RPTOR: variants seen among roughly 807,000 people sequenced by gnomAD.
The protein encoded by RPTOR is regulatory-associated protein of mTOR.
In RPTOR, 21 loss-of-function variants were observed where a neutral mutation model predicts 169.9. That is an observed-to-expected ratio of 0.12 (90% CI 0.09 to 0.18). RPTOR has a LOEUF of 0.18. RPTOR is among the 10% of genes least tolerant of loss of function. The probability of loss-of-function intolerance (pLI) is 1.00; values close to 1 mark genes in which losing one functional copy is unlikely to be tolerated. For missense variants in RPTOR, 1,133 were observed against 1,855.9 expected, an observed-to-expected ratio of 0.61 and a Z score of 7.16; for synonymous variants, 732 against 753.2, an observed-to-expected ratio of 0.97 and a Z score of 0.46.
intron 25 of RPTOR, among the ~76,000 whole-genome samples, chr17:80,941,047 C>T (rs9907566): frequency 0.012 from 1,790 of 152,320 alleles, 31 homozygotes; most frequent in African/African-American, 0.041. Flanking sequence ...CTACACATGG[C>T]GCATCCTTCC....
At chr17:80,816,309 T>A (rs1251492691) in intron 7 of RPTOR, among the ~76,000 whole-genome samples, 1 of 152,176 alleles carries the variant, frequency 6.6e-6, no homozygotes, top group Non-Finnish European at 1.5e-5. Flanking sequence ...GAGGCATCTT[T>A]GGGAGGCCTG....
At chr17:80,556,251 C>T (rs763356665) in intron 1 of RPTOR, among the ~76,000 whole-genome samples, 3 of 152,096 alleles carry the variant, frequency 2.0e-5, no homozygotes, top group South Asian at 4.2e-4. Flanking sequence ...CACAACAATT[C>T]CCTAGCTGGG....
intron 3 of RPTOR, among the ~76,000 whole-genome samples, chr17:80,691,904 T>G (rs1036817571): frequency 2.0e-5 from 3 of 152,226 alleles, no homozygotes; most frequent in Non-Finnish European, 2.9e-5. Context: ...TGTATCTGCT[T>G]CTTTCCACAT....
At chr17:80,773,130 A>G (rs1367647333) in intron 6 of RPTOR, among the ~76,000 whole-genome samples, 1 of 86,796 alleles carries the variant, frequency 1.2e-5, no homozygotes, top group East Asian at 3.0e-4. Context: ...CACTGGAGAA[A>G]GCAGTGTGTT....
At chr17:80,756,949 C>T (rs1424285292) in intron 6 of RPTOR, among the ~76,000 whole-genome samples, 1 of 152,060 alleles carries the variant, frequency 6.6e-6, no homozygotes, top group Non-Finnish European at 1.5e-5. Context: ...AAGAACAAAG[C>T]AGAAATAGGG....
chr17:80,635,472 G>T (rs760394807), intron 2 of RPTOR, among the ~76,000 whole-genome samples: 1 of 152,220 alleles, frequency 6.6e-6, no homozygotes, highest in Non-Finnish European at 1.5e-5. Context: ...CAGTAACCAA[G>T]ACTGGGACGG....
At chr17:80,553,326 A>G (rs1167209383) in intron 1 of RPTOR, among the ~76,000 whole-genome samples, 1 of 152,200 alleles carries the variant, frequency 6.6e-6, no homozygotes, top group Non-Finnish European at 1.5e-5. Context: ...GGAATCACCG[A>G]CAGGCCGCCT....
At chr17:80,634,568 A>G (rs373652536) in intron 2 of RPTOR, among the ~76,000 whole-genome samples, 996 of 43,130 alleles carry the variant, frequency 0.023, 40 homozygotes, top group African/African-American at 0.062. Flanking sequence ...GTGTGTGTGC[A>G]TACTGTGTGT....
intron 1 of RPTOR, among the ~76,000 whole-genome samples, chr17:80,555,162 G>C (rs1263351206): frequency 1.3e-5 from 2 of 152,204 alleles, no homozygotes; most frequent in Non-Finnish European, 2.9e-5. Flanking sequence ...GAGGATATCA[G>C]GTGGCTGGTC....
intron 1 of RPTOR, among the ~76,000 whole-genome samples, chr17:80,547,774 G>T (rs546472800): frequency 6.6e-6 from 1 of 152,286 alleles, no homozygotes; most frequent in East Asian, 1.9e-4. Context: ...GGTAGCATAA[G>T]AGAATGAAAC....
intron 3 of RPTOR, among the ~76,000 whole-genome samples, chr17:80,703,205 G>A (rs372562398): frequency 6.6e-5 from 10 of 152,190 alleles, no homozygotes; most frequent in South Asian, 2.1e-4. Context: ...ATTAGACTCC[G>A]AAATCTCGAG....
chr17:80,925,579 G>A (rs768290135), intron 24 of RPTOR, 99 bp downstream of exon 24: 47 of 953,506 alleles, frequency 4.9e-5, no homozygotes, highest in Admixed American at 7.9e-5. Context: ...CTGTGGGAGC[G>A]TCCCATTGTG....
intron 11 of RPTOR, among the ~76,000 whole-genome samples, chr17:80,850,906 C>G (rs2067787227): frequency 6.6e-6 from 1 of 152,210 alleles, no homozygotes; most frequent in Admixed American, 6.5e-5. Context: ...TGTCTGAGCA[C>G]TCTCTTCATA....
rs553124300 is a variant in RPTOR, at chr17:80,803,980, A to G, written c.890+12471A>G. ...AGGCACGAGCTTGGGCTGTGTGGCA[A>G]GGGCCTTCTTTGAAAGAGGCATATG... is the stretch of plus-strand genomic sequence containing the variant. On this transcript the variant is annotated intron_variant, in intron 7 of 33. Coordinates refer to ENST00000306801, the MANE Select transcript of RPTOR (RefSeq NM_020761.3). The surrounding 1 kb of genome is among the most constrained non-coding windows in gnomAD (Gnocchi z 6.2). Among the ~76,000 whole-genome samples, 9 of 152,328 alleles carry G rather than the reference A, an allele frequency of 5.9e-5. No individual in the cohort carries two copies. The highest frequency in any genetic ancestry group is 5.9e-4 in the Admixed American group (9 of 15,302).
intron 17 of RPTOR, among the ~76,000 whole-genome samples, chr17:80,890,263 A>T (rs2068303959): frequency 6.6e-6 from 1 of 152,192 alleles, no homozygotes; most frequent in Admixed American, 6.5e-5. Flanking sequence ...TTCTCACCTG[A>T]TGTCAGAAGG....
At chr17:80,745,784 T>A (rs2066566829) in intron 5 of RPTOR, among the ~76,000 whole-genome samples, 1 of 152,038 alleles carries the variant, frequency 6.6e-6, no homozygotes, top group South Asian at 2.1e-4. Context: ...TCCTCTGGAG[T>A]TGTTAGTACC....
At chr17:80,731,349 C>A (rs2143208037) in intron 5 of RPTOR, among the ~76,000 whole-genome samples, 1 of 152,158 alleles carries the variant, frequency 6.6e-6, no homozygotes, top group East Asian at 1.9e-4. Flanking sequence ...GGACCCACAG[C>A]TTCAGTTCCA....
At chr17:80,930,565 G>C (rs930790365) in intron 24 of RPTOR, among the ~76,000 whole-genome samples, 2 of 86,600 alleles carry the variant, frequency 2.3e-5, no homozygotes, top group African/African-American at 4.2e-5. Context: ...CAGGAGGACA[G>C]CTGGCTCCAC....
At chr17:80,595,121 A>G (rs2065135789) in intron 1 of RPTOR, among the ~76,000 whole-genome samples, 1 of 152,062 alleles carries the variant, frequency 6.6e-6, no homozygotes, top group African/African-American at 2.4e-5. Context: ...GGAGCATATG[A>G]ATTCATTGGT....
Sources: gnomAD v4.1 joint callset for allele counts (sites outside exome capture counted in the v4.1 genomes callset) on GRCh38, gnomAD v4.1.1 for gene constraint, Gnocchi (gnomAD v3.1) non-coding constraint, MANE v1.5 for transcripts, NCBI Gene and HGNC (gene_info 2026-07-23, HGNC 2026-07-21) for gene names.